Variants in GARRE1 observed in about 807,000 individuals in gnomAD.
GARRE1 encodes granule associated Rac and RHOG effector 1.
GARRE1 carries 49 observed loss-of-function variants against 103.2 expected under a neutral mutation model. That is an observed-to-expected ratio of 0.47 (90% CI 0.38 to 0.60). GARRE1 has a LOEUF of 0.60. GARRE1 is among the 20% of genes least tolerant of loss of function. The probability of loss-of-function intolerance (pLI) is 0.00; values close to 1 mark genes in which losing one functional copy is unlikely to be tolerated. For synonymous variants in GARRE1, 505 were observed against 532.8 expected (o/e 0.95, Z 0.72); for missense variants, 1,199 against 1,370.5 (o/e 0.87, Z 1.98).
rs888222558 is a variant in GARRE1 at position 34,353,640 on chromosome 19, G to C, written c.*685G>C. 2 of 152,256 alleles carry C rather than the reference G, an allele frequency of 1.3e-5. No individual in the cohort carries two copies. The highest frequency in any genetic ancestry group is 2.9e-5 in the Non-Finnish European group (2 of 68,060). The allele number at this position is 152,256 out of a possible 1,614,324, so 9.4% of individuals were successfully genotyped here. On this transcript the variant is annotated 3_prime_UTR_variant, in exon 14 of 14. Coordinates refer to ENST00000299505, the MANE Select transcript of GARRE1 (RefSeq NM_014686.5). Reference sequence around the variant, plus strand: ...CCACCCAGCAGCACCCTGGGACTGCGGCCTTTCCCAGCTTTATTGAAGCAG... The same window carrying C: ...CCACCCAGCAGCACCCTGGGACTGCCGCCTTTCCCAGCTTTATTGAAGCAG...
intron 1 of GARRE1, among the ~76,000 whole-genome samples, chr19:34,292,776 C>A (rs1342964491): frequency 6.6e-6 from 1 of 151,942 alleles, no homozygotes; most frequent in Non-Finnish European, 1.5e-5. Context: ...GCTCCATCAC[C>A]CAGGGTGGAA....
chr19:34,257,916 G>A (rs1470312275), intron 1 of GARRE1, among the ~76,000 whole-genome samples: 2 of 142,696 alleles, frequency 1.4e-5, no homozygotes, highest in African/African-American at 5.3e-5. Flanking sequence ...TTGAGACAGA[G>A]TCTTGCTCTG....
At chr19:34,286,982 C>G (rs775880400) in intron 1 of GARRE1, among the ~76,000 whole-genome samples, 1 of 151,580 alleles carries the variant, frequency 6.6e-6, no homozygotes, top group Non-Finnish European at 1.5e-5. Flanking sequence ...AGTGTATTCT[C>G]CAAAAAATTA....
At chr19:34,273,579 T>C (rs553946080) in intron 1 of GARRE1, among the ~76,000 whole-genome samples, 7 of 152,306 alleles carry the variant, frequency 4.6e-5, no homozygotes, top group Non-Finnish European at 5.9e-5. Flanking sequence ...TTGGATGTTT[T>C]GAATGAGCTC....
chr19:34,340,044 GCA>G (rs1338737884), intron 9 of GARRE1, 52 bp downstream of exon 9: 4 of 1,599,040 alleles, frequency 2.5e-6, no homozygotes, highest in East Asian at 2.2e-5. Flanking sequence ...GTGTGACTAT[GCA>G]CAGTTTCATG....
At chr19:34,347,800 C>T in intron 10 of GARRE1, 77 bp from the exon 11 acceptor site, 1 of 1,323,324 alleles carries the variant, frequency 7.6e-7, no homozygotes, top group Non-Finnish European at 1.0e-6. Context: ...GTGTGACCAG[C>T]ACGTTAGCAA....
At chr19:34,301,362 T>C (rs1027898433) in intron 2 of GARRE1, among the ~76,000 whole-genome samples, 1 of 151,818 alleles carries the variant, frequency 6.6e-6, no homozygotes, top group African/African-American at 2.4e-5. Flanking sequence ...TGGCATTAGT[T>C]TTTCCATCCT....
At chr19:34,315,577 G>T (rs1001798904) in intron 2 of GARRE1, among the ~76,000 whole-genome samples, 5 of 152,074 alleles carry the variant, frequency 3.3e-5, no homozygotes, top group African/African-American at 4.8e-5. Flanking sequence ...CTGGCGTGGT[G>T]GTGGGTGCCT....
intron 1 of GARRE1, among the ~76,000 whole-genome samples, chr19:34,280,605 C>A (rs2073845895): frequency 6.6e-6 from 1 of 152,046 alleles, no homozygotes; most frequent in African/African-American, 2.4e-5. Flanking sequence ...GTGTCCTATC[C>A]AAGAAATTAT....
Position 34,256,884 on chromosome 19 carries a change from ATTTT to A in GARRE1, c.-796+2277_-796+2280del, listed in dbSNP as rs573540102. On this transcript the variant is annotated intron_variant, in intron 1 of 13. Transcript: ENST00000299505. ...GTACAGGGAATATTTCATGTTTGAG[ATTTT>A]TTTTTTCTTTTTAAAGCAAAAAGTT... Among the ~76,000 whole-genome samples, 17 of 150,324 alleles carry A rather than the reference ATTTT, an allele frequency of 1.1e-4. No individual in the cohort carries two copies. The East Asian group carries it at 3.3e-3, about 29-fold the overall frequency.
intron 2 of GARRE1, among the ~76,000 whole-genome samples, chr19:34,319,646 C>T (rs2074076078): frequency 6.6e-6 from 1 of 152,060 alleles, no homozygotes; most frequent in South Asian, 2.1e-4. Context: ...TTGGGGGTTA[C>T]TTGGTGGGAA....
chr19:34,273,836 C>T (rs2073801836), intron 1 of GARRE1, among the ~76,000 whole-genome samples: 1 of 152,004 alleles, frequency 6.6e-6, no homozygotes, highest in African/African-American at 2.4e-5. Flanking sequence ...AAATGTGTGG[C>T]CAGGTGGCGA....
At position 34,328,163 on chromosome 19, in the gene GARRE1, T is replaced by C. The variant is rs1459510396; in HGVS notation, c.1104+12T>C. The C allele has an allele frequency of 1.9e-6, 3 of 1,612,432 alleles. No homozygotes were observed. The highest frequency in any genetic ancestry group is 2.2e-5 in the East Asian group (1 of 44,858). On this transcript the variant is annotated intron_variant, in intron 6 of 13. Coordinates refer to ENST00000299505, the MANE Select transcript of GARRE1 (RefSeq NM_014686.5). The stretch of plus-strand genomic sequence containing the variant: ...TGAAACTTAAGACGGTAGCTTTCCA[T>C]GGGGTTCCAGCAAATGAGTGTGAAC...
Position 34,307,819 on chromosome 19 carries a change from T to A in GARRE1, c.495+6851T>A, listed in dbSNP as rs1292132302. 1.8e-3 allele frequency among the ~76,000 whole-genome samples: 193 copies of A among 109,644 alleles called. 3 individuals are homozygous for A. The highest frequency in any genetic ancestry group is 0.011 in the South Asian group (37 of 3,508). The allele number at this position is 109,644 out of a possible 152,430, so 71.9% of individuals were successfully genotyped here. ...AAAAAAAAATATATATATATATTTT[T>A]TTTTTTTTTTAGAGATTAGGCCTTG... is the stretch of plus-strand genomic sequence containing the variant. On this transcript the variant is annotated intron_variant, in intron 2 of 13. Coordinates refer to ENST00000299505, the MANE Select transcript of GARRE1 (RefSeq NM_014686.5).
chr19:34,303,353 G>A (rs1049614290), intron 2 of GARRE1, among the ~76,000 whole-genome samples: 2 of 152,100 alleles, frequency 1.3e-5, no homozygotes, highest in Admixed American at 6.6e-5. Flanking sequence ...CTTTTGGGTC[G>A]GATCTGATTA....
At chr19:34,286,190 T>C (rs1457579589) in intron 1 of GARRE1, among the ~76,000 whole-genome samples, 3 of 150,822 alleles carry the variant, frequency 2.0e-5, no homozygotes, top group Non-Finnish European at 3.0e-5. Flanking sequence ...AAAAAACTTA[T>C]TTATCACTTT....
intron 1 of GARRE1, among the ~76,000 whole-genome samples, chr19:34,293,403 AT>A (rs34427883): frequency 5.5e-4 from 80 of 146,660 alleles, no homozygotes; most frequent in Non-Finnish European, 6.1e-4. Flanking sequence ...CTCTTGGAGC[AT>A]TTTTTTTTTT....
At chr19:34,321,909 G>T (rs1309940014) in intron 3 of GARRE1, among the ~76,000 whole-genome samples, 1 of 152,174 alleles carries the variant, frequency 6.6e-6, no homozygotes, top group Non-Finnish European at 1.5e-5. Context: ...AGTGGTGTGG[G>T]ATGGTATGGC....
chr19:34,291,077 T>C (rs1375131938), intron 1 of GARRE1, among the ~76,000 whole-genome samples: 1 of 151,804 alleles, frequency 6.6e-6, no homozygotes, highest in Non-Finnish European at 1.5e-5. Context: ...CGACTAATTT[T>C]TGTATTTTTT....
Sources: gnomAD v4.1 joint callset for allele counts (sites outside exome capture counted in the v4.1 genomes callset) on GRCh38, gnomAD v4.1.1 for gene constraint, MANE v1.5 for transcripts, NCBI Gene and HGNC (gene_info 2026-07-23, HGNC 2026-07-21) for gene names.